CYP7B1: variants seen among roughly 807,000 people sequenced by gnomAD.
The protein encoded by CYP7B1 is cytochrome P450 family 7 subfamily B member 1.
Under a neutral mutation model 42.7 loss-of-function variants are expected in CYP7B1, and 29 were observed. That is an observed-to-expected ratio of 0.68 (90% confidence interval 0.51 to 0.93). CYP7B1 has a LOEUF of 0.93. CYP7B1 is among the 40% of genes least tolerant of loss of function. The pLI, the probability that CYP7B1 is intolerant of heterozygous loss-of-function variation, is 0.00. For missense variants in CYP7B1, 655 were observed against 600.5 expected (o/e 1.09, Z -0.95); for synonymous variants, 235 against 218.2 (o/e 1.08, Z -0.68).
In CYP7B1 at chr8:64,616,030, T is replaced by G; in HGVS notation, c.511A>C (p.Lys171Gln). The G allele has an allele frequency of 6.2e-7, 1 of 1,613,814 alleles. No individual in the cohort carries two copies. The highest frequency in any genetic ancestry group is 8.5e-7 in the Non-Finnish European group (1 of 1,179,834). The change falls in exon 3 of 6, where the codon AAA (lysine) becomes CAA (glutamine). Residue 171 changes from lysine (K) to glutamine (Q), a missense_variant. Physicochemically the swap from Lys to Gln is moderately conservative, Grantham distance 53 (BLOSUM62 1). Coordinates refer to ENST00000310193, the MANE Select transcript of CYP7B1 (RefSeq NM_004820.5). ...TCTGCCGTGTCCCAACTTGTGGTTT[T>G]TAACAGCTGGGGTTCAAAAACTTGT... ...LKQVFEPQLL[K>Q]TTSWDTAELY... is the part of the protein sequence containing the mutation.
At position 64,615,229 on chromosome 8, in the gene CYP7B1, T is replaced by A. The variant is rs750781606; in HGVS notation, c.854A>T (p.His285Leu). 5.0e-6 allele frequency: 8 copies of A among 1,612,322 alleles called. No homozygotes were observed. The highest frequency in any genetic ancestry group is 2.5e-6 in the Non-Finnish European group (3 of 1,179,036). The change falls in exon 4 of 6, where the codon CAT (histidine) becomes CTT (leucine). Residue 285 changes from histidine (H) to leucine (L), a missense_variant. Physicochemically the swap from His to Leu is moderately conservative, Grantham distance 99. Transcript: ENST00000310193. ...AGAGGCCCAGAGAAAGCCTAAATGATGTGCTGGGAGAAAATAAGTGAAAAG... is the reference window on the plus strand; with the variant it reads ...AGAGGCCCAGAGAAAGCCTAAATGAAGTGCTGGGAGAAAATAAGTGAAAAG... ...YVHEDLEIGA[H>L]HLGFLWASVA... is the part of the protein sequence containing the mutation.
At position 64,771,047 on chromosome 8, in the gene CYP7B1, C is replaced by CTTTTTTTTTTTTTTTTTTTTTTT. The variant is rs757503820; in HGVS notation, c.122+27396_122+27418dup. Reference sequence around the variant, plus strand: ...AATCTCAAGAGTGGGATATCAGCATCTTTTTTTTTTTTTTTTTTTTTTTTT... The same window carrying CTTTTTTTTTTTTTTTTTTTTTTT: ...AATCTCAAGAGTGGGATATCAGCATCTTTTTTTTTTTTTTTTTTTTTTTTTTTTTTTTTTTTTTTTTTTTTTTT... On this transcript the variant is annotated intron_variant, in intron 1 of 5. Transcript: ENST00000310193. 1.9e-4 allele frequency among the ~76,000 whole-genome samples: 8 copies of CTTTTTTTTTTTTTTTTTTTTTTT among 42,504 alleles called. 1 individual carries two copies. The highest frequency in any genetic ancestry group is 5.8e-4 in the African/African-American group (7 of 12,022). 27.9% of individuals were successfully genotyped at this position (42,504 alleles called of 152,430 possible). A position where few individuals can be genotyped will look rare whatever the true frequency, so the allele number is the denominator to read the frequency against.
intron 1 of CYP7B1, among the ~76,000 whole-genome samples, chr8:64,721,344 T>C (rs1004384395): frequency 6.6e-6 from 1 of 152,154 alleles, no homozygotes; most frequent in Non-Finnish European, 1.5e-5. Context: ...CAGGATCATA[T>C]AGATATCATT....
intron 4 of CYP7B1, among the ~76,000 whole-genome samples, chr8:64,611,183 AG>A (rs1805357837): frequency 6.6e-6 from 1 of 152,096 alleles, no homozygotes; most frequent in South Asian, 2.1e-4. Context: ...AAAGATCTCA[AG>A]GGCTCTGGTA....
At chr8:64,736,699 T>G (rs2129633198) in intron 1 of CYP7B1, among the ~76,000 whole-genome samples, 1 of 152,274 alleles carries the variant, frequency 6.6e-6, no homozygotes, top group South Asian at 2.1e-4. Flanking sequence ...TCCTCCCGCC[T>G]CAGCCTCCCA....
chr8:64,624,665 C>A (rs1366779138), intron 1 of CYP7B1, 126 bp from the exon 2 acceptor site: 5 of 1,074,284 alleles, frequency 4.7e-6, no homozygotes, highest in Non-Finnish European at 6.7e-6. Flanking sequence ...TTTCTATTCT[C>A]TTACTCAGTG....
intron 1 of CYP7B1, among the ~76,000 whole-genome samples, chr8:64,768,121 G>T (rs763013274): frequency 6.6e-6 from 1 of 152,120 alleles, no homozygotes. Flanking sequence ...CTTTAAACAC[G>T]GGGCTTGTAA....
intron 1 of CYP7B1, among the ~76,000 whole-genome samples, chr8:64,775,537 C>T (rs1804310143): frequency 6.6e-6 from 1 of 152,040 alleles, no homozygotes; most frequent in Non-Finnish European, 1.5e-5. Flanking sequence ...CTACAATGTG[C>T]CAGACATTTT....
At chr8:64,684,535 T>C (rs1806590375) in intron 1 of CYP7B1, among the ~76,000 whole-genome samples, 1 of 152,254 alleles carries the variant, frequency 6.6e-6, no homozygotes, top group African/African-American at 2.4e-5. Context: ...TGCTAAAGTA[T>C]AATTTATTTA....
At position 64,604,827 on chromosome 8, in the gene CYP7B1, G is replaced by A. The variant is rs121908610; in HGVS notation, c.1088C>T (p.Ser363Phe). 3.3e-5 allele frequency: 54 copies of A among 1,614,018 alleles called. No homozygotes were observed. Among genetic ancestry groups the A allele is most frequent in the Non-Finnish European group, 4.4e-5 (52 of 1,180,036 alleles). ...AAAACGAATGGTGGTTGAATATGAG[G>A]ACAGTCGTAAAGCTTCAAAAATGCT... Reference protein sequence around the residue: ...ESSIFEALRLSSYSTTIRFVE... With the variant: ...ESSIFEALRLFSYSTTIRFVE... The change falls in exon 5 of 6, where the codon TCC (serine) becomes TTC (phenylalanine). Residue 363 changes from serine (S) to phenylalanine (F), a missense_variant. Physicochemically the swap from Ser to Phe is radical, Grantham distance 155 (BLOSUM62 -2). Transcript: ENST00000310193.
rs1805052109 is a variant in CYP7B1 at position 64,592,534 on chromosome 8, A to T, written c.*4108T>A. Among the ~76,000 whole-genome samples the T allele has an allele frequency of 6.6e-6, 1 of 152,268 alleles. No homozygotes were observed. On this transcript the variant is annotated 3_prime_UTR_variant, in exon 6 of 6. Coordinates refer to ENST00000310193, the MANE Select transcript of CYP7B1 (RefSeq NM_004820.5). The stretch of plus-strand genomic sequence containing the variant: ...GGGAATCCAGTGTCTAGCATCAATC[A>T]TATCTAGAACAGAGAAAATGCTCAA...
chr8:64,781,910 T>G (rs1319258558), intron 1 of CYP7B1, among the ~76,000 whole-genome samples: 1 of 152,300 alleles, frequency 6.6e-6, no homozygotes, highest in East Asian at 1.9e-4. Flanking sequence ...TATTTTAGTC[T>G]TTTCTTTTGA....
chr8:64,780,039 G>A (rs1401947574), intron 1 of CYP7B1, among the ~76,000 whole-genome samples: 1 of 152,030 alleles, frequency 6.6e-6, no homozygotes, highest in Non-Finnish European at 1.5e-5. Flanking sequence ...TGTGCAGTTA[G>A]GTTTATGCAA....
At chr8:64,782,266 C>G (rs974573377) in intron 1 of CYP7B1, among the ~76,000 whole-genome samples, 1 of 152,104 alleles carries the variant, frequency 6.6e-6, no homozygotes, top group Non-Finnish European at 1.5e-5. Context: ...TATGTTGAAA[C>G]CTAATCTATA....
At position 64,604,692 on chromosome 8, in the gene CYP7B1, T is replaced by C. The variant is rs748485641; in HGVS notation, c.1223A>G (p.Glu408Gly). ...PVLHGDPEIF[E>G]APEEFRYDRF... is the part of the protein sequence containing the mutation. ...TTGATGTTTACTTACCTCTGGAGCT[T>C]CAAAGATTTCAGGGTCACCATGTAG... Residue 408 changes from glutamate to glycine, a missense_variant, in exon 5 of 6, where the codon GAA (glutamate) becomes GGA (glycine). Glu to Gly is a moderately conservative substitution (Grantham distance 98, BLOSUM62 -2). Transcript: ENST00000310193. 1 of 1,614,082 alleles carries C rather than the reference T, an allele frequency of 6.2e-7. No individual in the cohort carries two copies. Among genetic ancestry groups the C allele is most frequent in the South Asian group, 1.1e-5 (1 of 91,070 alleles).
At chr8:64,784,932 A>T (rs1479385993) in intron 1 of CYP7B1, among the ~76,000 whole-genome samples, 1 of 152,246 alleles carries the variant, frequency 6.6e-6, no homozygotes, top group East Asian at 1.9e-4. Flanking sequence ...CACTGTTAAA[A>T]GACTAAAGAT....
At chr8:64,618,372 G>A (rs1041190025) in intron 2 of CYP7B1, among the ~76,000 whole-genome samples, 2 of 151,852 alleles carry the variant, frequency 1.3e-5, no homozygotes, top group Admixed American at 6.6e-5. Flanking sequence ...GATTCAGTTA[G>A]TAAAACACAC....
intron 1 of CYP7B1, among the ~76,000 whole-genome samples, chr8:64,686,108 G>A (rs1311689578): frequency 9.8e-5 from 11 of 112,806 alleles, no homozygotes; most frequent in African/African-American, 3.6e-4. Flanking sequence ...AGGTGGGGGG[G>A]TCAGCCCTCC....
chr8:64,763,070 G>A (rs571749303), intron 1 of CYP7B1, among the ~76,000 whole-genome samples: 1 of 151,954 alleles, frequency 6.6e-6, no homozygotes, highest in Non-Finnish European at 1.5e-5. Context: ...CTGAGCTTTC[G>A]CTGGCCGTCC....
Sources: allele counts gnomAD v4.1 joint callset (sites outside exome capture counted in the v4.1 genomes callset), GRCh38; gene constraint gnomAD v4.1.1; transcripts MANE v1.5; gene names NCBI Gene and HGNC (gene_info 2026-07-23, HGNC 2026-07-21).